Variants in RIGI observed in about 807,000 individuals in gnomAD.
RIGI encodes RNA sensor RIG-I.
At chr9:32,462,787 G>T in the RIGI span, among the ~76,000 whole-genome samples, 1 of 152,138 alleles carries the variant, frequency 6.6e-6, no homozygotes, top group Non-Finnish European at 1.5e-5. Context: ...GGGCTTAAAT[G>T]ATCCTCCCAT....
At chr9:32,514,349 G>A in the RIGI span, among the ~76,000 whole-genome samples, 2 of 152,228 alleles carry the variant, frequency 1.3e-5, no homozygotes, top group East Asian at 3.9e-4. Context: ...TGATAAACTG[G>A]ATAAAGAAAA....
the RIGI span, chr9:32,459,556 CAT>C: frequency 1.3e-6 from 2 of 1,578,638 alleles, no homozygotes; most frequent in Non-Finnish European, 1.7e-6. Flanking sequence ...TTGAGTACAA[CAT>C]ATATAGCAAG....
At chr9:32,465,833 A>G in the RIGI span, among the ~76,000 whole-genome samples, 352 of 152,342 alleles carry the variant, frequency 2.3e-3, no homozygotes, top group African/African-American at 7.9e-3. Flanking sequence ...GGAAATTACA[A>G]TGAAATGAAG....
At chr9:32,461,580 T>C in the RIGI span, among the ~76,000 whole-genome samples, 1,563 of 152,286 alleles carry the variant, frequency 0.01, 30 homozygotes, top group African/African-American at 0.035. Context: ...TAGCATCTGC[T>C]TCACGGACTG....
the RIGI span, among the ~76,000 whole-genome samples, chr9:32,497,497 A>T: frequency 6.6e-6 from 1 of 152,146 alleles, no homozygotes; most frequent in Non-Finnish European, 1.5e-5. Context: ...CCTGTAATCC[A>T]AGCACTTTGG....
the RIGI span, chr9:32,488,062 G>C: frequency 7.4e-6 from 12 of 1,613,996 alleles, no homozygotes; most frequent in Non-Finnish European, 1.0e-5. Flanking sequence ...TCAAAGTAAA[G>C]ATGGATAGTG....
At chr9:32,457,804 G>T in the RIGI span, among the ~76,000 whole-genome samples, 26 of 152,170 alleles carry the variant, frequency 1.7e-4, no homozygotes, top group Non-Finnish European at 2.9e-5. Context: ...AGGATACAGG[G>T]AAAACGACCA....
At chr9:32,521,230 G>A in the RIGI span, among the ~76,000 whole-genome samples, 1 of 147,556 alleles carries the variant, frequency 6.8e-6, no homozygotes, top group Non-Finnish European at 1.5e-5. Flanking sequence ...ATTAAAATTA[G>A]CTTTAACATT....
At chr9:32,507,403 A>G in the RIGI span, among the ~76,000 whole-genome samples, 1 of 152,238 alleles carries the variant, frequency 6.6e-6, no homozygotes, top group East Asian at 1.9e-4. Context: ...CAGATCATTT[A>G]TGCTTTTATT....
At chr9:32,509,150 G>A in the RIGI span, among the ~76,000 whole-genome samples, 2 of 152,212 alleles carry the variant, frequency 1.3e-5, no homozygotes, top group Non-Finnish European at 1.5e-5. Flanking sequence ...GGCACCTGGG[G>A]AAAAGGGCAG....
At chr9:32,522,745 C>T in the RIGI span, among the ~76,000 whole-genome samples, 25 of 152,066 alleles carry the variant, frequency 1.6e-4, no homozygotes, top group African/African-American at 3.4e-4. Context: ...CTGCCCACCA[C>T]GCCATTCCTC....
the RIGI span, chr9:32,459,380 TCTTACGTCAG>T: frequency 1.2e-6 from 2 of 1,613,304 alleles, no homozygotes; most frequent in Non-Finnish European, 1.7e-6. Flanking sequence ...CCTCTATCAC[TCTTACGTCAG>T]CTGTGTAACA....
chr9:32,487,837 T>C, the RIGI span: 38 of 1,389,188 alleles, frequency 2.7e-5, no homozygotes, highest in African/African-American at 5.5e-4. Context: ...TTGTACAATA[T>C]GGACTTGGGA....
At chr9:32,490,056 G>A in the RIGI span, among the ~76,000 whole-genome samples, 1 of 152,180 alleles carries the variant, frequency 6.6e-6, no homozygotes, top group Non-Finnish European at 1.5e-5. Context: ...ATTTCTAAAA[G>A]GTTAAGTGAA....
At chr9:32,511,075 C>T in the RIGI span, among the ~76,000 whole-genome samples, 1 of 152,108 alleles carries the variant, frequency 6.6e-6, no homozygotes, top group Non-Finnish European at 1.5e-5. Flanking sequence ...TACAGGAATA[C>T]CCAGATTCAT....
the RIGI span, among the ~76,000 whole-genome samples, chr9:32,463,889 C>CTTTTTTTTTTTTTTTTTTTTATACTCT: frequency 1.5e-4 from 20 of 135,790 alleles, no homozygotes; most frequent in Non-Finnish European, 2.2e-4. Flanking sequence ...ATTCTGATTT[C>CTTTTTTTTTTTTTTTTTTTTATACTCT]AAATAAACCT....
the RIGI span, among the ~76,000 whole-genome samples, chr9:32,523,252 T>C: frequency 6.6e-6 from 1 of 152,190 alleles, no homozygotes; most frequent in African/African-American, 2.4e-5. Flanking sequence ...GCTGAATCCC[T>C]GGTGTTTCAG....
the RIGI span, chr9:32,472,894 TACACACACACATATACATAC>T: frequency 4.3e-6 from 3 of 704,598 alleles, no homozygotes; most frequent in South Asian, 3.5e-5. Context: ...ATTATATATA[TACACACACACATATACATAC>T]ACACACACAC....
chr9:32,478,106 C>T, the RIGI span, among the ~76,000 whole-genome samples: 14 of 151,380 alleles, frequency 9.2e-5, no homozygotes, highest in East Asian at 1.9e-4. Flanking sequence ...TGCAGTGGTG[C>T]GCTCTTGGCT....
Sources: gnomAD v4.1 joint callset for allele counts (sites outside exome capture counted in the v4.1 genomes callset) on GRCh38, gnomAD v4.1.1 for gene constraint, MANE v1.5 for transcripts, NCBI Gene and HGNC (gene_info 2026-07-23, HGNC 2026-07-21) for gene names.